CLDN5: variants seen among roughly 807,000 people sequenced by gnomAD.
The protein encoded by CLDN5 is claudin-5.
In CLDN5, 4 loss-of-function variants were observed where a neutral mutation model predicts 1.3. The observed-to-expected ratio is 3.07, with a 90% CI of 1.51 to 7.03. The LOEUF (loss-of-function observed/expected upper bound fraction) is 7.03, where lower values mean the gene tolerates loss of function less well. Among genes scored for constraint, CLDN5 ranks in the 30% most tolerant of loss-of-function variants. CLDN5 has a pLI of 0.00. For synonymous variants in CLDN5, 156 were observed against 152.3 expected (o/e 1.02, Z -0.18); for missense variants, 225 against 303.5 (o/e 0.74, Z 1.92).
upstream of CLDN5, chr22:19,524,712 G>A: frequency 3.9e-6 from 5 of 1,295,402 alleles, no homozygotes; most frequent in South Asian, 3.1e-5. Flanking sequence ...TCCCGGCCCC[G>A]TCACTTCAGA....
chr22:19,524,557 A>C, upstream of CLDN5: 1 of 1,383,880 alleles, frequency 7.2e-7, no homozygotes, highest in Non-Finnish European at 9.4e-7. Context: ...AGTTAGGGAA[A>C]CAACGGCTCT....
upstream of CLDN5, chr22:19,525,177 C>T (rs1221587797): frequency 5.2e-5 from 52 of 1,000,430 alleles, no homozygotes; most frequent in Non-Finnish European, 6.0e-5. Flanking sequence ...ACAGGGGCTG[C>T]TCCTCTTCCT....
rs771895657 is a variant in CLDN5 at position 19,524,128 on chromosome 22, G to A, written c.128C>T (p.Ala43Val). 3 of 1,609,522 alleles carry A rather than the reference G, an allele frequency of 1.9e-6. No homozygotes were observed. Among genetic ancestry groups the A allele is most frequent in the Non-Finnish European group, 8.5e-7 (1 of 1,179,830 alleles). The change falls in exon 1 of 1, where the codon GCG becomes GTG. Residue 43 changes from alanine to valine, a missense_variant. Ala to Val is a moderately conservative substitution (Grantham distance 64). Transcript: ENST00000618236. Reference sequence around the variant, plus strand: ...CCACAGCCCCTTCCAGGTGGTCTGCGCCGTCACGATGTTGTGGTCCAGGAA... The same window carrying A: ...CCACAGCCCCTTCCAGGTGGTCTGCACCGTCACGATGTTGTGGTCCAGGAA... The part of the protein sequence containing the change: ...TAFLDHNIVT[A>V]QTTWKGLWMS...
At chr22:19,524,636 C>T (rs999318345), upstream of CLDN5, 2 of 1,336,204 alleles carry the variant, frequency 1.5e-6, no homozygotes, top group Non-Finnish European at 1.9e-6. Context: ...CCGCCGTTGT[C>T]CTAGTCGCGG....
upstream of CLDN5, chr22:19,524,573 G>GGT: frequency 7.3e-7 from 1 of 1,361,598 alleles, no homozygotes; most frequent in East Asian, 3.0e-5. Flanking sequence ...GCTCTTGAGG[G>GGT]GTAGCTGAGG....
In CLDN5 at chr22:19,524,098, G is replaced by A; in HGVS notation, c.158C>T (p.Ser53Leu). 1.2e-6 allele frequency: 2 copies of A among 1,607,360 alleles called. No homozygotes were observed. The highest frequency in any genetic ancestry group is 1.7e-6 in the Non-Finnish European group (2 of 1,179,754). ...AQTTWKGLWM[S>L]CVVQSTGHMQ... ...GTGCCCGGTGCTCTGCACCACGCAC[G>A]ACATCCACAGCCCCTTCCAGGTGGT... Residue 53 changes from serine (S) to leucine (L), a missense_variant, in exon 1 of 1, where the codon TCG becomes TTG. Transcript: ENST00000618236.
rs1479084723 is a variant in CLDN5, at chr22:19,523,788, C to G, written c.468G>C (p.Gln156His). The G allele has an allele frequency of 3.7e-6, 6 of 1,606,242 alleles. No individual in the cohort carries two copies. Among genetic ancestry groups the G allele is most frequent in the Non-Finnish European group, 5.1e-6 (6 of 1,177,090 alleles). The change falls in exon 1 of 1, where the codon CAG (glutamine) becomes CAC (histidine). Residue 156 changes from glutamine to histidine, a missense_variant. Physicochemically the swap from Gln to His is conservative, Grantham distance 24. Around this residue, in one of 3 missense-constraint regions of CLDN5, gnomAD observed 165 missense variants for 211.9 expected, o/e 0.78. Coordinates refer to ENST00000618236, the MANE Select transcript of CLDN5 (RefSeq NM_001363066.2). ...ACAGCGCTGCGCCCAGCTCGTACTT[C>G]TGCGACACGGGCACAGACGGGTCGT... is the stretch of plus-strand genomic sequence containing the variant. ...EFYDPSVPVS[Q>H]KYELGAALYI... is the part of the protein sequence containing the mutation.
In CLDN5 at chr22:19,524,079, G is replaced by T. The variant is rs780302726; in HGVS notation, c.177C>A (p.Thr59=). 1.2e-6 allele frequency: 2 copies of T among 1,605,670 alleles called. No individual in the cohort carries two copies. Among genetic ancestry groups the T allele is most frequent in the Admixed American group, 1.7e-5 (1 of 59,968 alleles). The change falls in exon 1 of 1, where the codon ACC becomes ACA. Residue 59 remains threonine (T), a synonymous_variant. Coordinates refer to ENST00000618236, the MANE Select transcript of CLDN5 (RefSeq NM_001363066.2). ...GLWMSCVVQS[T]GHMQCKVYDS... ...CGTACACTTTGCACTGCATGTGCCC[G>T]GTGCTCTGCACCACGCACGACATCC...
rs1934149965 is a variant in CLDN5, at chr22:19,523,455, G to A, written c.*144C>T. 3 of 1,193,594 alleles carry A rather than the reference G, an allele frequency of 2.5e-6. No homozygotes were observed. The highest frequency in any genetic ancestry group is 2.8e-5 in the East Asian group (1 of 35,498). The allele number at this position is 1,193,594 out of a possible 1,614,324, so 73.9% of individuals were successfully genotyped here. ...GCAGGCAGGAGCGGATCCAGGAGCC[G>A]CGTCGGGGCGCAGAGCCGGACGTTC... On this transcript the variant is annotated 3_prime_UTR_variant, in exon 1 of 1. Coordinates refer to ENST00000618236, the MANE Select transcript of CLDN5 (RefSeq NM_001363066.2).
At chr22:19,524,648 C>T, upstream of CLDN5, 3 of 1,339,626 alleles carry the variant, frequency 2.2e-6, no homozygotes, top group Non-Finnish European at 1.9e-6. Context: ...TAGTCGCGGC[C>T]GAGCGCATTC....
At chr22:19,524,785 G>A, upstream of CLDN5, 1 of 1,234,312 alleles carries the variant, frequency 8.1e-7, no homozygotes. Flanking sequence ...GAGCCGGGTG[G>A]TCTCTTCCAC....
rs1934146059 is a variant in CLDN5, at chr22:19,523,312, ATCC to A, written c.*284_*286del. 2.4e-6 allele frequency: 1 copy of A among 414,100 alleles called. No homozygotes were observed. 25.7% of individuals were successfully genotyped at this position (414,100 alleles called of 1,614,324 possible). On this transcript the variant is annotated 3_prime_UTR_variant, in exon 1 of 1. Transcript: ENST00000618236. ...CCCAGCGTCTTGGAGGGGAAGCGAA[ATCC>A]TCAGTCTGACACCCGCTCTGCCTAT...
rs1295466927 is a variant in CLDN5 at position 19,523,800 on chromosome 22, C to T, written c.456G>A (p.Val152=). 2.5e-6 allele frequency: 4 copies of T among 1,607,108 alleles called. No individual in the cohort carries two copies. Among genetic ancestry groups the T allele is most frequent in the African/African-American group, 1.3e-5 (1 of 74,954 alleles). The change falls in exon 1 of 1, where the codon GTG becomes GTA. Residue 152 remains valine, a synonymous_variant. Coordinates refer to ENST00000618236, the MANE Select transcript of CLDN5 (RefSeq NM_001363066.2). ...CCAGCTCGTACTTCTGCGACACGGG[C>T]ACAGACGGGTCGTAAAACTCGCGGA... The part of the protein sequence containing the change: ...IVVREFYDPS[V]PVSQKYELGA...
upstream of CLDN5, chr22:19,524,738 A>C (rs1022879216): frequency 1.1e-5 from 14 of 1,282,710 alleles, no homozygotes; most frequent in Admixed American, 4.1e-5. Flanking sequence ...CTCGACCCCC[A>C]GTCTGCACCA....
Position 19,524,283 on chromosome 22 carries a change from G to T in CLDN5, c.-28C>A. On this transcript the variant is annotated 5_prime_UTR_variant, in exon 1 of 1. Coordinates refer to ENST00000618236, the MANE Select transcript of CLDN5 (RefSeq NM_001363066.2). ...CTAGAGGCGAGACGCGCACCCGAAG[G>T]CCCGCAGAACCCCCAAGGCCGTGCT... The T allele has an allele frequency of 1.3e-6, 2 of 1,549,912 alleles. No homozygotes were observed. The highest frequency in any genetic ancestry group is 8.7e-7 in the Non-Finnish European group (1 of 1,147,934).
upstream of CLDN5, chr22:19,525,119 AC>A (rs1446999414): frequency 5.0e-6 from 5 of 999,980 alleles, no homozygotes; most frequent in African/African-American, 7.0e-5. Flanking sequence ...CTGCCTGGCG[AC>A]CCCCACTCTC....
rs774721121 is a variant in CLDN5 at position 19,524,297 on chromosome 22, C to T, written c.-42G>A. 2.0e-6 allele frequency: 3 copies of T among 1,536,806 alleles called. No individual in the cohort carries two copies. The highest frequency in any genetic ancestry group is 2.6e-6 in the Non-Finnish European group (3 of 1,140,634). The stretch of plus-strand genomic sequence containing the variant: ...CGCACCCGAAGGCCCGCAGAACCCC[C>T]AAGGCCGTGCTGCGCGGCGCCCTGG... On this transcript the variant is annotated 5_prime_UTR_variant, in exon 1 of 1. Coordinates refer to ENST00000618236, the MANE Select transcript of CLDN5 (RefSeq NM_001363066.2).
At position 19,524,131 on chromosome 22, in the gene CLDN5, G is replaced by T; in HGVS notation, c.125C>A (p.Thr42Lys). ...CAGCCCCTTCCAGGTGGTCTGCGCC[G>T]TCACGATGTTGTGGTCCAGGAAGGC... ...VTAFLDHNIV[T>K]AQTTWKGLWM... is the part of the protein sequence containing the mutation. The change falls in exon 1 of 1, where the codon ACG becomes AAG. Residue 42 changes from threonine (T) to lysine (K), a missense_variant. Thr to Lys is a moderately conservative substitution (Grantham distance 78). This residue lies in a region of CLDN5 where 19 missense variants were observed against 51.1 expected (regional missense o/e 0.37). Coordinates refer to ENST00000618236, the MANE Select transcript of CLDN5 (RefSeq NM_001363066.2). The T allele has an allele frequency of 6.2e-7, 1 of 1,609,854 alleles. No individual in the cohort carries two copies.
In CLDN5 at chr22:19,523,538, A is replaced by G; in HGVS notation, c.*61T>C. The G allele has an allele frequency of 7.3e-6, 11 of 1,503,104 alleles. No homozygotes were observed. The highest frequency in any genetic ancestry group is 9.7e-6 in the Non-Finnish European group (11 of 1,135,024). The allele number at this position is 1,503,104 out of a possible 1,614,324, so 93.1% of individuals were successfully genotyped here. ...AGCCGCGGTCCATGCGGGGCTCCCC[A>G]GGCTTATCCAACGCCTCGCAGGCGT... is the stretch of plus-strand genomic sequence containing the variant. On this transcript the variant is annotated 3_prime_UTR_variant, in exon 1 of 1. Transcript: ENST00000618236.
Sources: gnomAD v4.1 joint callset for allele counts on GRCh38, gnomAD v4.1.1 for gene constraint, gnomAD v4.1.1 regional missense constraint, MANE v1.5 for transcripts, NCBI Gene and HGNC (gene_info 2026-07-23, HGNC 2026-07-21) for gene names.